Variants in KCNIP4 observed in about 807,000 individuals in gnomAD.
KCNIP4 encodes the protein potassium voltage-gated channel interacting protein 4, also known as Kv channel-interacting protein 4.
In KCNIP4, 12 loss-of-function variants were observed where a neutral mutation model predicts 34.0. The observed-to-expected ratio is 0.35, with a 90% CI of 0.23 to 0.57. KCNIP4 has a LOEUF of 0.57. Ranked by LOEUF, KCNIP4 falls within the 20% of genes least tolerant of loss-of-function variation. The pLI, the probability that KCNIP4 is intolerant of heterozygous loss-of-function variation, is 0.83. For synonymous variants in KCNIP4, 124 were observed against 102.2 expected, an observed-to-expected ratio of 1.21 and a Z score of -1.29; for missense variants, 238 against 311.7, an observed-to-expected ratio of 0.76 and a Z score of 1.78.
intron 1 of KCNIP4, among the ~76,000 whole-genome samples, chr4:21,496,024 T>C (rs2109873365): frequency 6.6e-6 from 1 of 152,316 alleles, no homozygotes; most frequent in East Asian, 1.9e-4. Context: ...GTCCAAGAGC[T>C]ACTCTTTGAG....
In KCNIP4 at chr4:21,174,157, G is replaced by T. The variant is rs140642308; in HGVS notation, c.62-291448C>A. 3.1e-3 allele frequency among the ~76,000 whole-genome samples: 468 copies of T among 152,262 alleles called. 1 individual carries two copies. Among genetic ancestry groups the T allele is most frequent in the Non-Finnish European group, 4.7e-3 (321 of 68,010 alleles). On this transcript the variant is annotated intron_variant, in intron 1 of 8. Coordinates refer to ENST00000382152, the MANE Select transcript of KCNIP4 (RefSeq NM_025221.6). ...TCCACTCAATTTTTGCCTCTCATTT[G>T]AACACCCACATTTAAAAAAACTTGG...
At chr4:21,247,028 T>C (rs1014041056) in intron 1 of KCNIP4, among the ~76,000 whole-genome samples, 8 of 152,208 alleles carry the variant, frequency 5.3e-5, no homozygotes, top group African/African-American at 1.9e-4. Flanking sequence ...GCTAATATCC[T>C]GGTTGTAGAG....
chr4:20,838,930 A>T (rs1244099436), intron 3 of KCNIP4, among the ~76,000 whole-genome samples: 3 of 152,202 alleles, frequency 2.0e-5, no homozygotes, highest in African/African-American at 7.2e-5. Context: ...AACTACCTAC[A>T]TTTTAATGTT....
intron 1 of KCNIP4, among the ~76,000 whole-genome samples, chr4:21,387,398 T>G (rs1331606884): frequency 6.6e-6 from 1 of 152,240 alleles, no homozygotes; most frequent in South Asian, 2.1e-4. Flanking sequence ...TGTGCTTAAT[T>G]GCAGTATTAA....
intron 1 of KCNIP4, among the ~76,000 whole-genome samples, chr4:21,065,418 C>T (rs1744265205): frequency 6.6e-6 from 1 of 151,952 alleles, no homozygotes; most frequent in Non-Finnish European, 1.5e-5. Context: ...CATGACAAAG[C>T]CCATCTACTC....
rs536809424 is a variant in KCNIP4 at position 20,871,136 on chromosome 4, T to C, written c.163+11472A>G. 2.0e-5 allele frequency among the ~76,000 whole-genome samples: 3 copies of C among 152,270 alleles called. No individual in the cohort carries two copies. In the South Asian group the frequency reaches 6.2e-4, roughly 32 times the overall value. On this transcript the variant is annotated intron_variant, in intron 2 of 8. Transcript: ENST00000382152. ...ACAATTTATTCATTTATTCATTAAA[T>C]ATTGATTGAGTGCCTATTATGACCC...
At chr4:20,737,014 T>C (rs1019232460) in intron 5 of KCNIP4, among the ~76,000 whole-genome samples, 6 of 152,186 alleles carry the variant, frequency 3.9e-5, no homozygotes, top group African/African-American at 1.4e-4. Flanking sequence ...CTGTGGCCAA[T>C]TGATTTTCGA....
At chr4:20,852,314 G>A (rs758708660) in intron 2 of KCNIP4, among the ~76,000 whole-genome samples, 1 of 152,066 alleles carries the variant, frequency 6.6e-6, no homozygotes, top group Non-Finnish European at 1.5e-5. Flanking sequence ...ATGCAGGGAT[G>A]GTTTAACATA....
chr4:21,929,910 A>T (rs368752018), intron 1 of KCNIP4, among the ~76,000 whole-genome samples: 7 of 151,710 alleles, frequency 4.6e-5, no homozygotes, highest in Non-Finnish European at 7.4e-5. Context: ...CATTCCTTTT[A>T]CCTCCCTACA....
intron 1 of KCNIP4, among the ~76,000 whole-genome samples, chr4:21,412,005 A>T (rs1231208008): frequency 6.6e-6 from 1 of 152,164 alleles, no homozygotes; most frequent in African/African-American, 2.4e-5. Context: ...GAAACAAATT[A>T]TCCCCACGTA....
At chr4:20,839,939 GC>G (rs1347124475) in intron 3 of KCNIP4, among the ~76,000 whole-genome samples, 1 of 152,112 alleles carries the variant, frequency 6.6e-6, no homozygotes, top group Non-Finnish European at 1.5e-5. Flanking sequence ...CCTTAGAAAG[GC>G]CTGCTTGCAA....
At chr4:20,929,998 A>G (rs7678620) in intron 1 of KCNIP4, among the ~76,000 whole-genome samples, 1 of 151,892 alleles carries the variant, frequency 6.6e-6, no homozygotes, top group East Asian at 1.9e-4. Context: ...AAGGATATGC[A>G]TCACAGAAAT....
intron 1 of KCNIP4, among the ~76,000 whole-genome samples, chr4:21,429,266 T>G (rs989057947): frequency 6.6e-6 from 1 of 151,188 alleles, no homozygotes; most frequent in Non-Finnish European, 1.5e-5. Flanking sequence ...AGTAGCTTCC[T>G]TCACTTAGTC....
rs555971532 is a variant in KCNIP4, at chr4:21,373,968, G to T, written c.62-491259C>A. Among the ~76,000 whole-genome samples, 4 of 145,934 alleles carry T rather than the reference G, an allele frequency of 2.7e-5. No individual in the cohort carries two copies. The East Asian group carries it at 8.1e-4, about 30-fold the overall frequency. ...GATTCACCCACCTCGGCCTCCCAAG[G>T]TATTGGGATTACAGGTGTGAGCCAC... On this transcript the variant is annotated intron_variant, in intron 1 of 8. Coordinates refer to ENST00000382152, the MANE Select transcript of KCNIP4 (RefSeq NM_025221.6).
At chr4:21,626,317 C>T (rs933845679) in intron 1 of KCNIP4, among the ~76,000 whole-genome samples, 1 of 151,860 alleles carries the variant, frequency 6.6e-6, no homozygotes, top group Non-Finnish European at 1.5e-5. Flanking sequence ...TTAGATGAGG[C>T]CACGAATGGT....
rs143963395 is a variant in KCNIP4, at chr4:21,709,142, A to G, written c.61+239429T>C. Among the ~76,000 whole-genome samples, 46 of 152,286 alleles carry G rather than the reference A, an allele frequency of 3.0e-4. 1 individual carries two copies. The highest frequency in any genetic ancestry group is 8.9e-4 in the African/African-American group (37 of 41,554). Reference sequence around the variant, plus strand: ...GAGGTGAGATCCCCAAAAAAAAACAATTGTGAGTCTGGGGTAACTAAGTGA... The same window carrying G: ...GAGGTGAGATCCCCAAAAAAAAACAGTTGTGAGTCTGGGGTAACTAAGTGA... On this transcript the variant is annotated intron_variant, in intron 1 of 8. Transcript: ENST00000382152.
intron 1 of KCNIP4, among the ~76,000 whole-genome samples, chr4:21,220,870 A>G (rs1757937224): frequency 6.6e-6 from 1 of 152,160 alleles, no homozygotes; most frequent in Non-Finnish European, 1.5e-5. Flanking sequence ...TGAATTTTTT[A>G]AACTTGACAT....
At chr4:21,842,591 T>G (rs890646693) in intron 1 of KCNIP4, among the ~76,000 whole-genome samples, 1 of 152,128 alleles carries the variant, frequency 6.6e-6, no homozygotes, top group African/African-American at 2.4e-5. Flanking sequence ...TGTACAAATA[T>G]TTTAACACTA....
intron 1 of KCNIP4, among the ~76,000 whole-genome samples, chr4:21,176,458 T>TA (rs957981474): frequency 1.3e-5 from 2 of 152,288 alleles, no homozygotes; most frequent in African/African-American, 4.8e-5. Flanking sequence ...CTGCTACAAG[T>TA]AAAAAAATGG....
Sources: gnomAD v4.1 joint callset for allele counts (sites outside exome capture counted in the v4.1 genomes callset) on GRCh38, gnomAD v4.1.1 for gene constraint, MANE v1.5 for transcripts, NCBI Gene and HGNC (gene_info 2026-07-23, HGNC 2026-07-21) for gene names.